Variants in NR5A1 observed in about 807,000 individuals in gnomAD.
NR5A1 encodes the protein nuclear receptor subfamily 5 group A member 1.
Under a neutral mutation model 42.7 loss-of-function variants are expected in NR5A1, and 6 were observed. The ratio of observed to expected loss-of-function variants is 0.14; its 90% CI spans 0.08 to 0.28. The LOEUF (loss-of-function observed/expected upper bound fraction) is 0.28, where lower values mean the gene tolerates loss of function less well. NR5A1 is among the 10% of genes least tolerant of loss of function. NR5A1 has a pLI of 1.00. For synonymous variants in NR5A1, 274 were observed against 277.5 expected (o/e 0.99, Z 0.12); for missense variants, 442 against 626.4 (o/e 0.71, Z 3.14).
intron 1 of NR5A1, among the ~76,000 whole-genome samples, chr9:124,504,227 G>C (rs192162829): frequency 6.6e-6 from 1 of 152,236 alleles, no homozygotes; most frequent in Non-Finnish European, 1.5e-5. Context: ...CGAGGCCGGG[G>C]AGCTACAGAA....
chr9:124,488,219 G>A (rs748129177), intron 6 of NR5A1, among the ~76,000 whole-genome samples: 10 of 151,790 alleles, frequency 6.6e-5, no homozygotes, highest in East Asian at 1.9e-4. Context: ...AAGCCTTCCC[G>A]GATAGCCAAG....
At position 124,482,460 on chromosome 9, in the gene NR5A1, G is replaced by C; in HGVS notation, c.*298C>G. 1 of 449,680 alleles carries C rather than the reference G, an allele frequency of 2.2e-6. No homozygotes were observed. Among genetic ancestry groups the C allele is most frequent in the Non-Finnish European group, 4.1e-6 (1 of 241,634 alleles). The allele number at this position is 449,680 out of a possible 1,614,324, so 27.9% of individuals were successfully genotyped here. ...GACCTGCAGGCTTCAGACTCCAGGA[G>C]AGAGAGCTGGGAGCAGGGAGGGGGC... On this transcript the variant is annotated 3_prime_UTR_variant, in exon 7 of 7. Coordinates refer to ENST00000373588, the MANE Select transcript of NR5A1 (RefSeq NM_004959.5).
rs1273232171 is a variant in NR5A1, at chr9:124,482,108, T to A, written c.*650A>T. ...GAATCAGTGATGCCTGGAGCAAAGT[T>A]TTTTCCCGATGATGTATCAATGCCC... On this transcript the variant is annotated 3_prime_UTR_variant, in exon 7 of 7. Transcript: ENST00000373588. 1 of 153,570 alleles carries A rather than the reference T, an allele frequency of 6.5e-6. No individual in the cohort carries two copies. Among genetic ancestry groups the A allele is most frequent in the Non-Finnish European group, 1.4e-5 (1 of 69,048 alleles). The allele number at this position is 153,570 out of a possible 1,614,324, so 9.5% of individuals were successfully genotyped here. A position where few individuals can be genotyped will look rare whatever the true frequency, so the allele number is the denominator to read the frequency against.
At chr9:124,506,408 G>T (rs900028650) in intron 1 of NR5A1, among the ~76,000 whole-genome samples, 1 of 152,290 alleles carries the variant, frequency 6.6e-6, no homozygotes, top group African/African-American at 2.4e-5. Flanking sequence ...ATCTGCCCGA[G>T]CTGGAGGTGG....
intron 6 of NR5A1, 45 bp downstream of exon 6, chr9:124,491,036 C>CCCCCCACGGG: frequency 1.4e-6 from 2 of 1,401,600 alleles, no homozygotes; most frequent in Non-Finnish European, 1.9e-6. Flanking sequence ...CCCACCCACC[C>CCCCCCACGGG]GCCTCTGGCT....
rs772128645 is a variant in NR5A1, at chr9:124,483,030, C to T, written c.1139-25G>A. 9 of 1,612,844 alleles carry T rather than the reference C, an allele frequency of 5.6e-6. No individual in the cohort carries two copies. In the East Asian group the frequency reaches 1.8e-4, roughly 32 times the overall value. On this transcript the variant is annotated intron_variant, in intron 6 of 6. Transcript: ENST00000373588. ...TCTGCAAAGGGAGGTTCTCGGTCAC[C>T]ATCGCGTCACCATCCATGCCCATCA...
intron 1 of NR5A1, among the ~76,000 whole-genome samples, chr9:124,505,336 G>T (rs1464717701): frequency 6.6e-6 from 1 of 152,244 alleles, no homozygotes; most frequent in African/African-American, 2.4e-5. Context: ...CAGCGTGGAA[G>T]TGGGTAAGGG....
In NR5A1 at chr9:124,482,802, G is replaced by T; in HGVS notation, c.1342C>A (p.Arg448Ser). The T allele has an allele frequency of 6.2e-7, 1 of 1,608,724 alleles. No individual in the cohort carries two copies. Among genetic ancestry groups the T allele is most frequent in the East Asian group, 2.2e-5 (1 of 44,592 alleles). The part of the protein sequence containing the change: ...YHKHLGNEMP[R>S]NNLLIEMLQA... ...AGCATTTCGATGAGCAGGTTGTTGCGGGGCATCTCGTTGCCCAGGTGCTTG... is the reference window on the plus strand; with the variant it reads ...AGCATTTCGATGAGCAGGTTGTTGCTGGGCATCTCGTTGCCCAGGTGCTTG... Residue 448 changes from arginine to serine, a missense_variant, in exon 7 of 7, where the codon CGC (arginine) becomes AGC (serine). By Grantham distance (110) the Arg-to-Ser change is moderately radical. Around this residue, in one of 3 missense-constraint regions of NR5A1, gnomAD observed 163 missense variants for 265.8 expected, o/e 0.61. Transcript: ENST00000373588.
chr9:124,496,890 C>T lies in NR5A1; in HGVS notation c.870+3200G>A, dbSNP rs1043350584. 2.6e-5 allele frequency among the ~76,000 whole-genome samples: 4 copies of T among 152,178 alleles called. No individual in the cohort carries two copies. The highest frequency in any genetic ancestry group is 7.2e-5 in the African/African-American group (3 of 41,438). ...CCAGCCTGTCCTTCGCAGTAAGTGA[C>T]GAGAGGCTGACTGCCTGGGCCCTGG... is the stretch of plus-strand genomic sequence containing the variant. On this transcript the variant is annotated intron_variant, in intron 4 of 6. Coordinates refer to ENST00000373588, the MANE Select transcript of NR5A1 (RefSeq NM_004959.5). This position sits in a 1 kb window ranked among gnomAD's most constrained non-coding sequence, Gnocchi z 5.0.
chr9:124,482,495 G>A lies in NR5A1; in HGVS notation c.*263C>T, dbSNP rs1832142110. On this transcript the variant is annotated 3_prime_UTR_variant, in exon 7 of 7. Coordinates refer to ENST00000373588, the MANE Select transcript of NR5A1 (RefSeq NM_004959.5). ...GGAGCAGGGAGGGGGCGGGGCGGGT[G>A]GTTAACAGCCACCTCCTTGGGGCAC... The A allele has an allele frequency of 3.8e-6, 2 of 525,788 alleles. No individual in the cohort carries two copies. Among genetic ancestry groups the A allele is most frequent in the Admixed American group, 6.4e-5 (2 of 31,458 alleles). The allele number at this position is 525,788 out of a possible 1,614,324, so 32.6% of individuals were successfully genotyped here.
At chr9:124,492,349 C>T (rs1360394409) in intron 5 of NR5A1, among the ~76,000 whole-genome samples, 2 of 151,512 alleles carry the variant, frequency 1.3e-5, no homozygotes, top group Non-Finnish European at 2.9e-5. Context: ...CTGACCCCTC[C>T]GCCTGCCTCC....
At chr9:124,489,750 C>CTCCCCG (rs879938568) in intron 6 of NR5A1, among the ~76,000 whole-genome samples, 2 of 132,098 alleles carry the variant, frequency 1.5e-5, no homozygotes, top group African/African-American at 5.5e-5. Flanking sequence ...ATCCTACCCG[C>CTCCCCG]CCCCCACCCC....
rs966365098 is a variant in NR5A1 at position 124,507,318 on chromosome 9, G to C, written c.-85C>G. 1 of 152,598 alleles carries C rather than the reference G, an allele frequency of 6.6e-6. No homozygotes were observed. The highest frequency in any genetic ancestry group is 1.5e-5 in the Non-Finnish European group (1 of 68,268). The allele number at this position is 152,598 out of a possible 1,614,324, so 9.5% of individuals were successfully genotyped here. A position where few individuals can be genotyped will look rare whatever the true frequency, so the allele number is the denominator to read the frequency against. On this transcript the variant is annotated 5_prime_UTR_variant, in exon 1 of 7. Transcript: ENST00000373588. ...CACCAGGGGTCCAGGGGGAGGCTCCGGCAGCCCAGGTGGGACGGTGGCGAC... is the reference window on the plus strand; with the variant it reads ...CACCAGGGGTCCAGGGGGAGGCTCCCGCAGCCCAGGTGGGACGGTGGCGAC...
Position 124,482,762 on chromosome 9 carries a change from G to C in NR5A1, c.1382C>G (p.Thr461Ser). ...LLIEMLQAKQ[T>S] ...GGCCCCGCCCCCGGCCCAGGCTCAA[G>C]TCTGCTTGGCTTGCAGCATTTCGAT... The change falls in exon 7 of 7, where the codon ACT becomes AGT. Residue 461 changes from threonine to serine, a missense_variant. Around this residue, in one of 3 missense-constraint regions of NR5A1, gnomAD observed 163 missense variants for 265.8 expected, o/e 0.61. Coordinates refer to ENST00000373588, the MANE Select transcript of NR5A1 (RefSeq NM_004959.5). 1 of 1,404,022 alleles carries C rather than the reference G, an allele frequency of 7.1e-7. No individual in the cohort carries two copies. The highest frequency in any genetic ancestry group is 9.4e-7 in the Non-Finnish European group (1 of 1,062,350). 87.0% of individuals were successfully genotyped at this position (1,404,022 alleles called of 1,614,324 possible).
rs955442785 is a variant in NR5A1 at position 124,498,506 on chromosome 9, G to A, written c.870+1584C>T. On this transcript the variant is annotated intron_variant, in intron 4 of 6. Coordinates refer to ENST00000373588, the MANE Select transcript of NR5A1 (RefSeq NM_004959.5). This position sits in a 1 kb window ranked among gnomAD's most constrained non-coding sequence, Gnocchi z 4.6. ...GACTAGGAAGGCAGCCAGAGGAAGT[G>A]CCCTGCCCCTCAATCCAGGGTTCTG... is the stretch of plus-strand genomic sequence containing the variant. Among the ~76,000 whole-genome samples the A allele has an allele frequency of 6.6e-6, 1 of 152,202 alleles. No homozygotes were observed. The highest frequency in any genetic ancestry group is 2.4e-5 in the African/African-American group (1 of 41,444).
rs1052883677 is a variant in NR5A1 at position 124,482,403 on chromosome 9, G to C, written c.*355C>G. The C allele has an allele frequency of 2.7e-6, 1 of 369,802 alleles. No individual in the cohort carries two copies. Among genetic ancestry groups the C allele is most frequent in the Non-Finnish European group, 5.2e-6 (1 of 191,456 alleles). The allele number at this position is 369,802 out of a possible 1,614,324, so 22.9% of individuals were successfully genotyped here. A position where few individuals can be genotyped will look rare whatever the true frequency, so the allele number is the denominator to read the frequency against. On this transcript the variant is annotated 3_prime_UTR_variant, in exon 7 of 7. Coordinates refer to ENST00000373588, the MANE Select transcript of NR5A1 (RefSeq NM_004959.5). ...TGACCTCTGATCCAAGGGACGTCGA[G>C]GCCCACCAGGGAATCCCGAACCTCC...
intron 1 of NR5A1, chr9:124,506,810 C>G (rs1343600544): frequency 6.6e-6 from 1 of 152,504 alleles, no homozygotes; most frequent in Admixed American, 6.5e-5. Flanking sequence ...CTGGCCCGGC[C>G]GCAGAACCCA....
chr9:124,487,711 C>T (rs1013411803), intron 6 of NR5A1, among the ~76,000 whole-genome samples: 2 of 152,240 alleles, frequency 1.3e-5, no homozygotes, highest in East Asian at 1.9e-4. Context: ...GGGGGACGCC[C>T]TGCGCGCCAG....
chr9:124,488,766 C>T (rs1379107941), intron 6 of NR5A1, among the ~76,000 whole-genome samples: 2 of 152,350 alleles, frequency 1.3e-5, no homozygotes, highest in East Asian at 3.9e-4. Context: ...GGCACACAGC[C>T]AGAAAGAGAC....
Sources: allele counts gnomAD v4.1 joint callset (sites outside exome capture counted in the v4.1 genomes callset), GRCh38; gene constraint gnomAD v4.1.1; regional missense constraint gnomAD v4.1.1; non-coding constraint Gnocchi (gnomAD v3.1); transcripts MANE v1.5; gene names NCBI Gene and HGNC (gene_info 2026-07-23, HGNC 2026-07-21).